The following NAALADL2 variants were observed in gnomAD, a reference collection of about 807,000 sequenced individuals.
NAALADL2 encodes the protein N-acetylated alpha-linked acidic dipeptidase like 2.
In NAALADL2, 76 loss-of-function variants were observed where a neutral mutation model predicts 87.2. The ratio of observed to expected loss-of-function variants is 0.87; its 90% CI spans 0.72 to 1.05. NAALADL2 has a LOEUF of 1.05. Ranked by LOEUF, NAALADL2 falls within the 50% of genes least tolerant of loss-of-function variation. The probability of loss-of-function intolerance (pLI) is 0.00; values close to 1 mark genes in which losing one functional copy is unlikely to be tolerated. For missense variants in NAALADL2, 1,089 were observed against 945.8 expected (o/e 1.15, Z -1.99); for synonymous variants, 354 against 331.0 (o/e 1.07, Z -0.75).
chr3:175,183,393 G>A (rs912730478), intron 2 of NAALADL2, among the ~76,000 whole-genome samples: 1 of 152,020 alleles, frequency 6.6e-6, no homozygotes, highest in African/African-American at 2.4e-5. Flanking sequence ...TGTGGTGAGA[G>A]TGGGCATCCT....
chr3:174,728,504 T>C (rs1179718857), intron 2 of NAALADL2, among the ~76,000 whole-genome samples: 1 of 152,066 alleles, frequency 6.6e-6, no homozygotes, highest in Non-Finnish European at 1.5e-5. Flanking sequence ...TGAGGCTAAG[T>C]AAGATGCATC....
intron 2 of NAALADL2, among the ~76,000 whole-genome samples, chr3:174,643,602 C>T (rs1057481122): frequency 1.3e-5 from 2 of 151,972 alleles, no homozygotes; most frequent in African/African-American, 2.4e-5. Flanking sequence ...TGCAGTGAGC[C>T]GAGATTATGC....
At chr3:175,500,556 G>A (rs1291763573) in intron 9 of NAALADL2, among the ~76,000 whole-genome samples, 2 of 151,904 alleles carry the variant, frequency 1.3e-5, no homozygotes, top group African/African-American at 2.4e-5. Flanking sequence ...TTACACACAA[G>A]GGCTACAAAA....
chr3:175,319,345 C>A (rs182610634), intron 4 of NAALADL2, among the ~76,000 whole-genome samples: 5 of 144,012 alleles, frequency 3.5e-5, no homozygotes, highest in East Asian at 2.1e-4. Flanking sequence ...GTTCATTACA[C>A]CAAAAATTGG....
intron 2 of NAALADL2, among the ~76,000 whole-genome samples, chr3:175,178,210 G>A (rs577893449): frequency 1.3e-5 from 2 of 152,030 alleles, no homozygotes; most frequent in African/African-American, 4.8e-5. Context: ...TTAATACAAG[G>A]TAAGTGCTTT....
intron 1 of NAALADL2, among the ~76,000 whole-genome samples, chr3:174,885,887 T>G (rs1730058038): frequency 6.5e-5 from 1 of 15,476 alleles, no homozygotes; most frequent in Non-Finnish European, 1.2e-4. Flanking sequence ...TTTTTTTTTT[T>G]TTTTTTTTTT....
At chr3:174,886,218 G>A (rs962493959) in intron 1 of NAALADL2, among the ~76,000 whole-genome samples, 1 of 151,982 alleles carries the variant, frequency 6.6e-6, no homozygotes, top group African/African-American at 2.4e-5. Context: ...CCGCCTGTCG[G>A]AGTTCTAAAA....
intron 3 of NAALADL2, among the ~76,000 whole-genome samples, chr3:174,754,025 C>G (rs535107774): frequency 5.3e-5 from 8 of 152,310 alleles, no homozygotes; most frequent in African/African-American, 1.9e-4. Context: ...AACTTTTATC[C>G]TCCCAAACTG....
At chr3:175,780,901 G>A (rs1750963518) in intron 13 of NAALADL2, among the ~76,000 whole-genome samples, 1 of 152,082 alleles carries the variant, frequency 6.6e-6, no homozygotes, top group Non-Finnish European at 1.5e-5. Flanking sequence ...TGCCTTCCTT[G>A]CTATGTGTTC....
intron 13 of NAALADL2, among the ~76,000 whole-genome samples, chr3:175,795,518 CAA>C (rs35800749): frequency 2.9e-4 from 39 of 132,306 alleles, no homozygotes; most frequent in South Asian, 7.3e-4. Flanking sequence ...CTAAAAAATA[CAA>C]AAAAAAAAAA....
At chr3:175,043,437 T>C (rs1754317432) in intron 1 of NAALADL2, among the ~76,000 whole-genome samples, 1 of 152,038 alleles carries the variant, frequency 6.6e-6, no homozygotes, top group Non-Finnish European at 1.5e-5. Context: ...TGGGATTTTA[T>C]CACATTTGTC....
chr3:175,301,647 A>G (rs1286574018), intron 4 of NAALADL2, among the ~76,000 whole-genome samples: 4 of 152,216 alleles, frequency 2.6e-5, no homozygotes, highest in Non-Finnish European at 5.9e-5. Context: ...GAAATACAGA[A>G]TTTTGGCAGG....
chr3:175,467,581 G>T (rs2149281231), intron 8 of NAALADL2, among the ~76,000 whole-genome samples: 1 of 152,274 alleles, frequency 6.6e-6, no homozygotes, highest in African/African-American at 2.4e-5. Context: ...TATATTAAAT[G>T]TTTATTGCCT....
chr3:175,721,764 C>G (rs1742266955), intron 11 of NAALADL2, among the ~76,000 whole-genome samples: 1 of 151,896 alleles, frequency 6.6e-6, no homozygotes, highest in Non-Finnish European at 1.5e-5. Context: ...AATATAAGAG[C>G]TGGGATGGGA....
At chr3:174,982,722 T>A (rs961573265) in intron 1 of NAALADL2, among the ~76,000 whole-genome samples, 3 of 152,212 alleles carry the variant, frequency 2.0e-5, no homozygotes, top group African/African-American at 7.2e-5. Context: ...GGAGAATTGA[T>A]CAAATTATAT....
intron 1 of NAALADL2, among the ~76,000 whole-genome samples, chr3:175,089,620 A>G (rs1424367861): frequency 1.3e-5 from 2 of 152,196 alleles, no homozygotes; most frequent in Non-Finnish European, 2.9e-5. Flanking sequence ...ATTTTGGATG[A>G]TACATCACGG....
At chr3:174,890,294 G>A (rs1730712645) in intron 1 of NAALADL2, among the ~76,000 whole-genome samples, 1 of 152,160 alleles carries the variant, frequency 6.6e-6, no homozygotes, top group South Asian at 2.1e-4. Context: ...CATTCATTGA[G>A]TGGTAGGAGT....
chr3:175,429,160 T>C (rs1717308583), intron 5 of NAALADL2, among the ~76,000 whole-genome samples: 1 of 141,112 alleles, frequency 7.1e-6, no homozygotes, highest in South Asian at 2.3e-4. Flanking sequence ...TTCTGGACTA[T>C]AGTAATATAT....
In NAALADL2 at chr3:175,467,191, C is replaced by T. The variant is rs767107088; in HGVS notation, c.1533+7C>T. ...CTCATATGAATGGGGAGAGGTAAAG[C>T]AAAATATACATTAATTACAGTGCTT... is the stretch of plus-strand genomic sequence containing the variant. On this transcript the variant is annotated splice_region_variant and intron_variant, in intron 8 of 13. Coordinates refer to ENST00000454872, the MANE Select transcript of NAALADL2 (RefSeq NM_207015.3). The T allele has an allele frequency of 1.9e-6, 3 of 1,603,994 alleles. No homozygotes were observed. In the East Asian group the frequency reaches 6.7e-5, roughly 36 times the overall value.
Sources: allele counts gnomAD v4.1 joint callset (sites outside exome capture counted in the v4.1 genomes callset), GRCh38; gene constraint gnomAD v4.1.1; transcripts MANE v1.5; gene names NCBI Gene and HGNC (gene_info 2026-07-23, HGNC 2026-07-21).